Variants in ARHGAP26 observed in about 807,000 individuals in gnomAD.
The protein encoded by ARHGAP26 is rho GTPase-activating protein 26.
Under a neutral mutation model 104.8 loss-of-function variants are expected in ARHGAP26, and 38 were observed. The ratio of observed to expected loss-of-function variants is 0.36; its 90% CI spans 0.28 to 0.48. The LOEUF is 0.48. Among genes scored for constraint, ARHGAP26 ranks in the 20% least tolerant of loss-of-function variants. ARHGAP26 has a pLI of 0.99. For missense variants in ARHGAP26, 704 were observed against 947.9 expected (o/e 0.74, Z 3.38); for synonymous variants, 341 against 340.0 (o/e 1.00, Z -0.03).
At chr5:142,893,758 T>C (rs967738880) in intron 5 of ARHGAP26, among the ~76,000 whole-genome samples, 1 of 152,230 alleles carries the variant, frequency 6.6e-6, no homozygotes, top group Non-Finnish European at 1.5e-5. Flanking sequence ...TTGCTATTTT[T>C]AATCTTGATC....
At chr5:143,119,501 G>C (rs1193125774) in intron 17 of ARHGAP26, among the ~76,000 whole-genome samples, 1 of 152,216 alleles carries the variant, frequency 6.6e-6, no homozygotes, top group African/African-American at 2.4e-5. Context: ...TGCCAGGTCA[G>C]AATTTGACCA....
At chr5:143,192,199 C>A (rs376755516) in intron 20 of ARHGAP26, among the ~76,000 whole-genome samples, 2 of 152,306 alleles carry the variant, frequency 1.3e-5, no homozygotes, top group East Asian at 3.9e-4. Context: ...GGAGAAAGAT[C>A]TAACTCACTG....
At chr5:142,876,104 G>A (rs1756045357) in intron 3 of ARHGAP26, among the ~76,000 whole-genome samples, 1 of 152,166 alleles carries the variant, frequency 6.6e-6, no homozygotes, top group South Asian at 2.1e-4. Context: ...AAGTTCCTTT[G>A]CATTTTTCTC....
chr5:142,965,902 A>G (rs1208973085), intron 11 of ARHGAP26, among the ~76,000 whole-genome samples: 1 of 152,178 alleles, frequency 6.6e-6, no homozygotes, highest in Non-Finnish European at 1.5e-5. Context: ...TCCAGTGTAA[A>G]TAGTTGGAGC....
chr5:143,193,240 C>CTTTTTTTTTTTT (rs57462040), intron 20 of ARHGAP26, among the ~76,000 whole-genome samples: 26 of 74,580 alleles, frequency 3.5e-4, no homozygotes, highest in African/African-American at 4.7e-4. Flanking sequence ...ATTTTCTTTT[C>CTTTTTTTTTTTT]TTTTTTTTTT....
In ARHGAP26 at chr5:143,012,808, C is replaced by T. The variant is rs1021081630; in HGVS notation, c.1108-1272C>T. ...AGCTGGGACTACAGGCGCCCGCCAC[C>T]ATGCCTGGCTAATTTTTTGTGTTTT... On this transcript the variant is annotated intron_variant, in intron 11 of 22. Transcript: ENST00000645722. Among the ~76,000 whole-genome samples, 3 of 150,988 alleles carry T rather than the reference C, an allele frequency of 2.0e-5. No individual in the cohort carries two copies. In the South Asian group the frequency reaches 6.3e-4, roughly 32 times the overall value.
chr5:142,816,942 CT>C (rs1245863959), intron 1 of ARHGAP26, among the ~76,000 whole-genome samples: 2 of 151,916 alleles, frequency 1.3e-5, no homozygotes, highest in African/African-American at 4.8e-5. Flanking sequence ...AAGAAGAGGG[CT>C]TACGGAGAAA....
chr5:143,062,413 A>T lies in ARHGAP26; in HGVS notation c.1538+4666A>T, dbSNP rs1319732541. On this transcript the variant is annotated intron_variant, in intron 17 of 22. Transcript: ENST00000645722. ...CAAAATTCTGTAGATCACTGGGATTATAAAGGAATATTGTGGGGAAAATGC... is the reference window on the plus strand; with the variant it reads ...CAAAATTCTGTAGATCACTGGGATTTTAAAGGAATATTGTGGGGAAAATGC... Among the ~76,000 whole-genome samples the T allele has an allele frequency of 2.6e-5, 4 of 152,194 alleles. No individual in the cohort carries two copies. The East Asian group carries it at 7.7e-4, about 29-fold the overall frequency.
intron 1 of ARHGAP26, among the ~76,000 whole-genome samples, chr5:142,824,678 C>T (rs926285648): frequency 2.0e-5 from 3 of 152,036 alleles, no homozygotes; most frequent in Non-Finnish European, 4.4e-5. Context: ...CTTGAGACAC[C>T]CACAGAAAAT....
At chr5:143,194,837 A>G (rs1158220666) in intron 20 of ARHGAP26, among the ~76,000 whole-genome samples, 2 of 152,220 alleles carry the variant, frequency 1.3e-5, no homozygotes, top group Non-Finnish European at 1.5e-5. Flanking sequence ...AAAAATCACC[A>G]TGAGGCTTAG....
At position 143,112,776 on chromosome 5, in the gene ARHGAP26, T is replaced by C. The variant is rs115813769; in HGVS notation, c.1539-8212T>C. On this transcript the variant is annotated intron_variant, in intron 17 of 22. Transcript: ENST00000645722. ...TCCCCAAGATTCATCCATGTCATAGTATATGCTAGAATTCCCTTCCTGTTT... is the reference window on the plus strand; with the variant it reads ...TCCCCAAGATTCATCCATGTCATAGCATATGCTAGAATTCCCTTCCTGTTT... Among the ~76,000 whole-genome samples the C allele has an allele frequency of 7.2e-3, 1,100 of 152,372 alleles. 13 individuals carry two copies. Among genetic ancestry groups the C allele is most frequent in the African/African-American group, 0.025 (1,057 of 41,580 alleles).
intron 20 of ARHGAP26, among the ~76,000 whole-genome samples, chr5:143,159,638 G>C (rs1800944805): frequency 6.6e-6 from 1 of 152,118 alleles, no homozygotes; most frequent in Non-Finnish European, 1.5e-5. Flanking sequence ...TCTGATGTAG[G>C]GTCTGAGTGG....
intron 12 of ARHGAP26, among the ~76,000 whole-genome samples, chr5:143,015,768 G>T: frequency 6.6e-6 from 1 of 152,220 alleles, no homozygotes. Flanking sequence ...CCCTACACCA[G>T]CCAGAAGTTT....
At chr5:142,772,969 G>T (rs776111483) in intron 1 of ARHGAP26, 1 of 513,976 alleles carries the variant, frequency 1.9e-6, no homozygotes, top group Non-Finnish European at 4.0e-6. Flanking sequence ...TAATGGAATG[G>T]ATCAGCCCTG....
At chr5:142,787,300 A>G (rs972848521) in intron 1 of ARHGAP26, among the ~76,000 whole-genome samples, 30 of 152,032 alleles carry the variant, frequency 2.0e-4, no homozygotes, top group African/African-American at 7.3e-4. Context: ...TCAATAATTT[A>G]TATTTCAAGA....
chr5:142,845,514 T>A (rs2152224049), intron 1 of ARHGAP26, among the ~76,000 whole-genome samples: 1 of 152,276 alleles, frequency 6.6e-6, no homozygotes, highest in African/African-American at 2.4e-5. Flanking sequence ...ATAAAGGAAA[T>A]GCTTTTCCTT....
At chr5:142,772,865 C>CT (rs1301893844) in intron 1 of ARHGAP26, 1 of 533,526 alleles carries the variant, frequency 1.9e-6, no homozygotes, top group Non-Finnish European at 3.8e-6. Flanking sequence ...GTTTGGGTGA[C>CT]TGGCAGTTTT....
chr5:142,770,723 C>A lies in ARHGAP26; in HGVS notation c.-39C>A. 8.5e-7 allele frequency: 1 copy of A among 1,182,626 alleles called. No homozygotes were observed. Among genetic ancestry groups the A allele is most frequent in the South Asian group, 3.4e-5 (1 of 29,030 alleles). 73.3% of individuals were successfully genotyped at this position (1,182,626 alleles called of 1,614,324 possible). Reference sequence around the variant, plus strand: ...TCTGGGCGGCGGGCGGCCCGGGCCCCGGCGGAGGCGCGCCCCCCGGCTGGG... The same window carrying A: ...TCTGGGCGGCGGGCGGCCCGGGCCCAGGCGGAGGCGCGCCCCCCGGCTGGG... On this transcript the variant is annotated 5_prime_UTR_variant, in exon 1 of 23. Coordinates refer to ENST00000645722, the MANE Select transcript of ARHGAP26 (RefSeq NM_001135608.3).
intron 17 of ARHGAP26, among the ~76,000 whole-genome samples, chr5:143,073,520 C>CTAA: frequency 6.6e-6 from 1 of 152,248 alleles, no homozygotes; most frequent in African/African-American, 2.4e-5. Context: ...ATCTATGAGG[C>CTAA]TAATTATTTA....
Sources: gnomAD v4.1 joint callset for allele counts (sites outside exome capture counted in the v4.1 genomes callset) on GRCh38, gnomAD v4.1.1 for gene constraint, MANE v1.5 for transcripts, NCBI Gene and HGNC (gene_info 2026-07-23, HGNC 2026-07-21) for gene names.